Variants in GPHN observed in about 807,000 individuals in gnomAD.
The protein encoded by GPHN is gephyrin.
In GPHN, 17 loss-of-function variants were observed where a neutral mutation model predicts 95.5. That is an observed-to-expected ratio of 0.18 (90% confidence interval 0.12 to 0.27). The LOEUF (loss-of-function observed/expected upper bound fraction) is 0.27. Ranked by LOEUF, GPHN falls within the 10% of genes least tolerant of loss-of-function variation. GPHN has a pLI of 1.00. For synonymous variants in GPHN, 320 were observed against 322.5 expected (o/e 0.99, Z 0.08); for missense variants, 660 against 978.1 (o/e 0.67, Z 4.34).
intron 1 of GPHN, among the ~76,000 whole-genome samples, chr14:66,512,228 C>T (rs1252692889): frequency 1.3e-5 from 2 of 151,770 alleles, no homozygotes; most frequent in African/African-American, 4.8e-5. Context: ...ACATAGCAGG[C>T]TCACTATATC....
chr14:67,133,566 G>A (rs950829483), intron 17 of GPHN, among the ~76,000 whole-genome samples: 1 of 151,950 alleles, frequency 6.6e-6, no homozygotes, highest in Non-Finnish European at 1.5e-5. Context: ...ATTTTAAAAA[G>A]CAAAAAAAGT....
intron 17 of GPHN, among the ~76,000 whole-genome samples, chr14:67,136,941 C>T (rs904353073): frequency 6.6e-6 from 1 of 152,014 alleles, no homozygotes; most frequent in Non-Finnish European, 1.5e-5. Context: ...AATCCCAGCG[C>T]TTTGGGAGGC....
chr14:67,609,109 G>A, the GPHN span, among the ~76,000 whole-genome samples: 4 of 152,030 alleles, frequency 2.6e-5, no homozygotes, highest in East Asian at 7.8e-4. Flanking sequence ...GCATTCCCAT[G>A]AAGCTCCTTT....
At chr14:66,593,841 G>T (rs2061861606) in intron 1 of GPHN, among the ~76,000 whole-genome samples, 1 of 152,068 alleles carries the variant, frequency 6.6e-6, no homozygotes, top group South Asian at 2.1e-4. Flanking sequence ...GCAAGTCAAA[G>T]AAATAAAAAG....
the GPHN span, chr14:67,397,857 G>C: frequency 9.5e-6 from 15 of 1,576,066 alleles, no homozygotes; most frequent in Non-Finnish European, 1.2e-5. Flanking sequence ...CCTGAGGTGA[G>C]GCGGTCAGTG....
At position 66,674,999 on chromosome 14, in the gene GPHN, A is replaced by C. The variant is rs527959047; in HGVS notation, c.65-6108A>C. Among the ~76,000 whole-genome samples the C allele has an allele frequency of 1.6e-3, 245 of 152,264 alleles. 2 individuals are homozygous for C. The highest frequency in any genetic ancestry group is 5.8e-3 in the African/African-American group (242 of 41,554). On this transcript the variant is annotated intron_variant, in intron 1 of 22. Coordinates refer to ENST00000478722, the MANE Select transcript of GPHN (RefSeq NM_020806.5). The stretch of plus-strand genomic sequence containing the variant: ...CATATGTTATCTTTGATCTTTTATA[A>C]TAGCCATTCTGACTGGGGTGAGATG...
chr14:67,369,674 G>A, the GPHN span, among the ~76,000 whole-genome samples: 7 of 152,116 alleles, frequency 4.6e-5, no homozygotes, highest in East Asian at 1.9e-4. Context: ...ATCTTGGGAG[G>A]GAAGAGTTTG....
chr14:66,566,141 CTACTAT>C (rs981290578), intron 1 of GPHN, among the ~76,000 whole-genome samples: 9 of 151,940 alleles, frequency 5.9e-5, no homozygotes, highest in African/African-American at 2.2e-4. Context: ...TTCCATCTCC[CTACTAT>C]TACCTTTTAT....
the GPHN span, chr14:67,196,679 A>C: frequency 1.3e-5 from 2 of 152,254 alleles, no homozygotes; most frequent in Non-Finnish European, 2.9e-5. Flanking sequence ...ATAGGAGCTC[A>C]GGATTCCACT....
At chr14:67,104,259 T>A (rs992764979) in intron 13 of GPHN, among the ~76,000 whole-genome samples, 1 of 152,188 alleles carries the variant, frequency 6.6e-6, no homozygotes, top group African/African-American at 2.4e-5. Flanking sequence ...TGCTGCTGGA[T>A]TCAGTTGCAA....
chr14:66,624,336 T>G lies in GPHN; in HGVS notation c.65-56771T>G, dbSNP rs116878968. Reference sequence around the variant, plus strand: ...CTGTGAGACACCTTGGTCCGTGTTTTAGTATAGGATCTGTATCTGAATTCA... The same window carrying G: ...CTGTGAGACACCTTGGTCCGTGTTTGAGTATAGGATCTGTATCTGAATTCA... On this transcript the variant is annotated intron_variant, in intron 1 of 22. Transcript: ENST00000478722. Among the ~76,000 whole-genome samples, 414 of 152,330 alleles carry G rather than the reference T, an allele frequency of 2.7e-3. 2 individuals are homozygous for G. Among genetic ancestry groups the G allele is most frequent in the Non-Finnish European group, 4.5e-3 (303 of 68,010 alleles).
At chr14:67,288,000 T>C in the GPHN span, among the ~76,000 whole-genome samples, 54 of 152,336 alleles carry the variant, frequency 3.5e-4, no homozygotes, top group South Asian at 9.1e-3. Flanking sequence ...GGGCTGTCTA[T>C]GGCTGCTTGT....
intron 10 of GPHN, among the ~76,000 whole-genome samples, chr14:67,056,916 A>G (rs2075601736): frequency 6.6e-6 from 1 of 152,148 alleles, no homozygotes; most frequent in South Asian, 2.1e-4. Context: ...GCGGGTCGGC[A>G]ATGCTGGGAG....
At chr14:67,626,362 G>T in the GPHN span, among the ~76,000 whole-genome samples, 1 of 152,120 alleles carries the variant, frequency 6.6e-6, no homozygotes, top group Non-Finnish European at 1.5e-5. Flanking sequence ...GGTGTAAAAA[G>T]ATTCGACCTG....
At chr14:67,569,903 C>T in the GPHN span, 18 of 1,544,004 alleles carry the variant, frequency 1.2e-5, no homozygotes, top group Non-Finnish European at 1.4e-5. Context: ...TAATCTCATT[C>T]CTCTCTTCCC....
chr14:66,683,306 G>T (rs1374569978), intron 2 of GPHN, among the ~76,000 whole-genome samples: 1 of 34,162 alleles, frequency 2.9e-5, no homozygotes, highest in Non-Finnish European at 6.5e-5. Flanking sequence ...AAATCTTTTA[G>T]AGAAAGAAAT....
intron 2 of GPHN, among the ~76,000 whole-genome samples, chr14:66,695,230 A>C (rs1375441253): frequency 1.3e-5 from 2 of 152,194 alleles, no homozygotes; most frequent in Non-Finnish European, 2.9e-5. Context: ...GACCTTAACA[A>C]ACACCTCACC....
chr14:67,315,360 T>C, the GPHN span, among the ~76,000 whole-genome samples: 25 of 139,066 alleles, frequency 1.8e-4, no homozygotes, highest in East Asian at 4.7e-3. Flanking sequence ...CACTGCAAGC[T>C]CCGCCTCCCG....
the GPHN span, among the ~76,000 whole-genome samples, chr14:67,376,066 G>A: frequency 2.6e-5 from 4 of 152,038 alleles, no homozygotes; most frequent in Non-Finnish European, 1.5e-5. Flanking sequence ...TTTTTTTATC[G>A]TGATTCTCTC....
Sources: gnomAD v4.1 joint callset for allele counts (sites outside exome capture counted in the v4.1 genomes callset) on GRCh38, gnomAD v4.1.1 for gene constraint, MANE v1.5 for transcripts, NCBI Gene and HGNC (gene_info 2026-07-23, HGNC 2026-07-21) for gene names.